MYO3B: variants seen among roughly 807,000 people sequenced by gnomAD.
MYO3B encodes myosin-IIIb.
Under a neutral mutation model 174.6 loss-of-function variants are expected in MYO3B, and 156 were observed. The observed-to-expected ratio is 0.89, with a 90% confidence interval of 0.78 to 1.02. MYO3B has a LOEUF of 1.02. MYO3B is among the 50% of genes least tolerant of loss of function. The pLI, the probability that MYO3B is intolerant of heterozygous loss-of-function variation, is 0.00. For missense variants in MYO3B, 1,632 were observed against 1,639.4 expected (o/e 1.00, Z 0.08); for synonymous variants, 563 against 569.1 (o/e 0.99, Z 0.15).
In MYO3B at chr2:170,526,793, G is replaced by T. The variant is rs989053201; in HGVS notation, c.3575+7253G>T. On this transcript the variant is annotated intron_variant, in intron 30 of 34. Coordinates refer to ENST00000408978, the MANE Select transcript of MYO3B (RefSeq NM_138995.5). Reference sequence around the variant, plus strand: ...TGTTTTGAGTTATATTTTTCCTTGGGGACTTGCTTATGGCCGTACATAAAT... The same window carrying T: ...TGTTTTGAGTTATATTTTTCCTTGGTGACTTGCTTATGGCCGTACATAAAT... 3.3e-5 allele frequency among the ~76,000 whole-genome samples: 5 copies of T among 152,246 alleles called. No individual in the cohort carries two copies. In the East Asian group the frequency reaches 7.7e-4, roughly 23 times the overall value.
chr2:170,257,359 C>A (rs527930340), intron 7 of MYO3B, among the ~76,000 whole-genome samples: 1 of 151,978 alleles, frequency 6.6e-6, no homozygotes, highest in Non-Finnish European at 1.5e-5. Context: ...TCGATAAATT[C>A]AAAAAAATTG....
intron 32 of MYO3B, among the ~76,000 whole-genome samples, chr2:170,628,740 A>G (rs920164138): frequency 6.6e-6 from 1 of 152,202 alleles, no homozygotes; most frequent in African/African-American, 2.4e-5. Context: ...GAAGGCATCA[A>G]AGCCCCCCTA....
intron 25 of MYO3B, among the ~76,000 whole-genome samples, chr2:170,477,570 A>G (rs1239233070): frequency 6.6e-6 from 1 of 151,906 alleles, no homozygotes; most frequent in African/African-American, 2.4e-5. Context: ...TGAATAGCAA[A>G]TAAACATTCT....
At chr2:170,550,464 A>G (rs983914099) in intron 32 of MYO3B, among the ~76,000 whole-genome samples, 11 of 152,186 alleles carry the variant, frequency 7.2e-5, no homozygotes, top group Non-Finnish European at 1.5e-5. Flanking sequence ...TTTCCAGAGG[A>G]TAAGATGCTG....
At chr2:170,461,648 C>A (rs9798078) in intron 23 of MYO3B, among the ~76,000 whole-genome samples, 1 of 150,976 alleles carries the variant, frequency 6.6e-6, no homozygotes, top group Non-Finnish European at 1.5e-5. Flanking sequence ...TGGTGGCAGG[C>A]GCCTGTAATC....
chr2:170,262,734 T>C (rs987356242), intron 7 of MYO3B, among the ~76,000 whole-genome samples: 1 of 152,200 alleles, frequency 6.6e-6, no homozygotes. Context: ...ACCCTGGGCC[T>C]GTGCTCTTCC....
chr2:170,179,134 G>T (rs1233736290), intron 1 of MYO3B, among the ~76,000 whole-genome samples: 2 of 152,120 alleles, frequency 1.3e-5, no homozygotes, highest in Admixed American at 1.3e-4. Flanking sequence ...AATAGGTGCA[G>T]CCAACCCACC....
At chr2:170,411,827 TCTGG>T (rs1228631270) in intron 22 of MYO3B, 1 of 152,222 alleles carries the variant, frequency 6.6e-6, no homozygotes, top group African/African-American at 2.4e-5. Context: ...CCTGGCTGCA[TCTGG>T]CTGTGGAGCT....
At chr2:170,507,700 G>T (rs1687700502) in intron 28 of MYO3B, among the ~76,000 whole-genome samples, 1 of 152,100 alleles carries the variant, frequency 6.6e-6, no homozygotes, top group Non-Finnish European at 1.5e-5. Flanking sequence ...GCCTGGGGCT[G>T]ATTTCTGACA....
intron 7 of MYO3B, among the ~76,000 whole-genome samples, chr2:170,243,997 A>G (rs2093163705): frequency 6.6e-6 from 1 of 152,198 alleles, no homozygotes. Flanking sequence ...TGTGACAGGA[A>G]CTGCACATGA....
At chr2:170,613,535 C>CAT (rs1193549053) in intron 32 of MYO3B, among the ~76,000 whole-genome samples, 10 of 152,328 alleles carry the variant, frequency 6.6e-5, no homozygotes, top group African/African-American at 2.4e-4. Context: ...CTAGCTGGGC[C>CAT]TATAACACTC....
chr2:170,330,939 C>T (rs1392183216), intron 7 of MYO3B, among the ~76,000 whole-genome samples: 1 of 152,136 alleles, frequency 6.6e-6, no homozygotes, highest in African/African-American at 2.4e-5. Context: ...CATTTCTTGG[C>T]CTACCTGCAA....
chr2:170,415,797 C>A (rs2094575143), intron 22 of MYO3B, among the ~76,000 whole-genome samples: 1 of 152,174 alleles, frequency 6.6e-6, no homozygotes, highest in Non-Finnish European at 1.5e-5. Context: ...CTTACCTCCA[C>A]AAAGATTTTG....
intron 5 of MYO3B, among the ~76,000 whole-genome samples, chr2:170,216,139 T>C (rs1408641134): frequency 2.9e-5 from 2 of 69,670 alleles, no homozygotes; most frequent in African/African-American, 5.5e-5. Context: ...CATCCCCCAA[T>C]AAACCCACAG....
chr2:170,463,270 C>T, intron 23 of MYO3B, 98 bp from the exon 24 acceptor site: 1 of 909,980 alleles, frequency 1.1e-6, no homozygotes, highest in Non-Finnish European at 1.8e-6. Context: ...CATGGCCCCT[C>T]AGGTATTTGG....
intron 32 of MYO3B, among the ~76,000 whole-genome samples, chr2:170,620,004 C>T (rs1274091224): frequency 6.6e-6 from 1 of 151,642 alleles, no homozygotes; most frequent in East Asian, 1.9e-4. Flanking sequence ...GTCACTAAGC[C>T]CAAAGAGAGG....
At chr2:170,297,885 G>A (rs1313133879) in intron 7 of MYO3B, among the ~76,000 whole-genome samples, 1 of 152,128 alleles carries the variant, frequency 6.6e-6, no homozygotes, top group Non-Finnish European at 1.5e-5. Flanking sequence ...TGTACCATTA[G>A]CAATTAGGGA....
intron 30 of MYO3B, among the ~76,000 whole-genome samples, chr2:170,541,456 A>T (rs1690099693): frequency 6.6e-6 from 1 of 152,228 alleles, no homozygotes; most frequent in Non-Finnish European, 1.5e-5. Context: ...GGTATTTACC[A>T]TGATACCTGG....
intron 25 of MYO3B, among the ~76,000 whole-genome samples, chr2:170,483,656 T>C (rs1401063753): frequency 6.6e-6 from 1 of 152,062 alleles, no homozygotes; most frequent in East Asian, 1.9e-4. Context: ...AAGGATTCTT[T>C]AAAACAAATA....
Sources: allele counts gnomAD v4.1 joint callset (sites outside exome capture counted in the v4.1 genomes callset), GRCh38; gene constraint gnomAD v4.1.1; transcripts MANE v1.5; gene names NCBI Gene and HGNC (gene_info 2026-07-23, HGNC 2026-07-21).